SMURF2: variants seen among roughly 807,000 people sequenced by gnomAD.
The protein encoded by SMURF2 is E3 ubiquitin-protein ligase SMURF2.
A neutral mutation model predicts 109.6 loss-of-function variants in SMURF2; 48 were observed. The observed-to-expected ratio is 0.44, with a 90% CI of 0.35 to 0.56. The LOEUF is 0.56. Ranked by LOEUF, SMURF2 falls within the 20% of genes least tolerant of loss-of-function variation. The probability of loss-of-function intolerance (pLI) is 0.01; values close to 1 mark genes in which losing one functional copy is unlikely to be tolerated. For missense variants in SMURF2, 575 were observed against 909.0 expected, an observed-to-expected ratio of 0.63 and a Z score of 4.72; for synonymous variants, 288 against 317.1, an observed-to-expected ratio of 0.91 and a Z score of 0.97.
intron 1 of SMURF2, among the ~76,000 whole-genome samples, chr17:64,655,953 AC>A (rs1970699702): frequency 6.6e-6 from 1 of 152,192 alleles, no homozygotes; most frequent in Non-Finnish European, 1.5e-5. Context: ...AATAAAAAAA[AC>A]AGTATGGCAC....
intron 6 of SMURF2, among the ~76,000 whole-genome samples, chr17:64,585,341 T>C (rs1555686986): frequency 2.6e-5 from 4 of 152,170 alleles, no homozygotes; most frequent in African/African-American, 9.7e-5. Context: ...GTAACAATAA[T>C]AGTAGCAATA....
chr17:64,564,727 C>T (rs1476249633), intron 10 of SMURF2, among the ~76,000 whole-genome samples: 1 of 152,174 alleles, frequency 6.6e-6, no homozygotes, highest in Non-Finnish European at 1.5e-5. Flanking sequence ...AGGAAAGAGG[C>T]ATGGAACAGA....
chr17:64,578,380 T>A, intron 9 of SMURF2, 112 bp downstream of exon 9: 1 of 705,292 alleles, frequency 1.4e-6, no homozygotes, highest in Non-Finnish European at 2.4e-6. Flanking sequence ...ATCAGAAGAG[T>A]CAAACTTTTA....
intron 1 of SMURF2, among the ~76,000 whole-genome samples, chr17:64,661,619 C>A (rs1016321111): frequency 2.0e-5 from 3 of 151,926 alleles, no homozygotes; most frequent in Non-Finnish European, 2.9e-5. Flanking sequence ...CAAAACACCA[C>A]CCCCCGCCCC....
In SMURF2 at chr17:64,566,562, T is replaced by TTTG. The variant is rs1491097205; in HGVS notation, c.1017-3597_1017-3596insCAA. On this transcript the variant is annotated intron_variant, in intron 10 of 18. Coordinates refer to ENST00000262435, the MANE Select transcript of SMURF2 (RefSeq NM_022739.4). The stretch of plus-strand genomic sequence containing the variant: ...ATGTAGAAATGCTTAAGCTTTCTGG[T>TTTG]TTTTTTTTTTTTTTTTTTTTTTTTT... 1.3e-3 allele frequency among the ~76,000 whole-genome samples: 36 copies of TTTG among 28,298 alleles called. 1 individual carries two copies. Among genetic ancestry groups the TTTG allele is most frequent in the African/African-American group, 4.8e-3 (35 of 7,258 alleles). 18.6% of individuals were successfully genotyped at this position (28,298 alleles called of 152,430 possible). A position where few individuals can be genotyped will look rare whatever the true frequency, so the allele number is the denominator to read the frequency against.
chr17:64,591,313 T>G (rs1483287929), intron 4 of SMURF2, among the ~76,000 whole-genome samples, 164 bp from the exon 5 acceptor site: 1 of 152,234 alleles, frequency 6.6e-6, no homozygotes, highest in Non-Finnish European at 1.5e-5. Flanking sequence ...ATTGCCAACA[T>G]GCAGTCACTT....
At chr17:64,596,858 T>C (rs541448107) in intron 3 of SMURF2, among the ~76,000 whole-genome samples, 1 of 152,188 alleles carries the variant, frequency 6.6e-6, no homozygotes, top group East Asian at 1.9e-4. Flanking sequence ...ACTTCTCATT[T>C]CTATCTAGGA....
At chr17:64,576,335 A>G (rs1256628078) in intron 9 of SMURF2, among the ~76,000 whole-genome samples, 1 of 152,048 alleles carries the variant, frequency 6.6e-6, no homozygotes, top group Non-Finnish European at 1.5e-5. Flanking sequence ...AGGAAATGCA[A>G]TATCTGCAGC....
intron 17 of SMURF2, among the ~76,000 whole-genome samples, chr17:64,546,829 T>A (rs554639793): frequency 6.6e-6 from 1 of 152,336 alleles, no homozygotes; most frequent in Admixed American, 6.5e-5. Flanking sequence ...ACTTTATGCA[T>A]CTGGGAAGTG....
chr17:64,635,670 A>G (rs1970406993), intron 1 of SMURF2, among the ~76,000 whole-genome samples: 1 of 152,180 alleles, frequency 6.6e-6, no homozygotes, highest in African/African-American at 2.4e-5. Flanking sequence ...ATTCCCTTTT[A>G]TGGCTGAATA....
chr17:64,561,751 C>G, intron 11 of SMURF2, 148 bp from the exon 12 acceptor site: 1 of 587,442 alleles, frequency 1.7e-6, no homozygotes, highest in Non-Finnish European at 3.0e-6. Context: ...AATCCCAACA[C>G]TTTGGGAGGC....
Position 64,564,640 on chromosome 17 carries a change from A to G in SMURF2, c.1017-1674T>C, listed in dbSNP as rs565399086. On this transcript the variant is annotated intron_variant, in intron 10 of 18. Transcript: ENST00000262435. ...TACATACAGGAAAGAAGACTATGGG[A>G]GGACAGAAGACAAAGACTGGAGCAA... Among the ~76,000 whole-genome samples, 6 of 152,370 alleles carry G rather than the reference A, an allele frequency of 3.9e-5. No individual in the cohort carries two copies. The South Asian group carries it at 1.2e-3, about 32-fold the overall frequency.
Position 64,616,948 on chromosome 17 carries a change from G to A in SMURF2, c.53-10308C>T, listed in dbSNP as rs189695073. Among the ~76,000 whole-genome samples, 4 of 151,412 alleles carry A rather than the reference G, an allele frequency of 2.6e-5. No homozygotes were observed. The East Asian group carries it at 7.8e-4, about 29-fold the overall frequency. On this transcript the variant is annotated intron_variant, in intron 1 of 18. Coordinates refer to ENST00000262435, the MANE Select transcript of SMURF2 (RefSeq NM_022739.4). Reference sequence around the variant, plus strand: ...GAAAAAAAAATAGCCCGGCATGGTGGTGTGTGCCTGTAGTCCCAGCTACTC... The same window carrying A: ...GAAAAAAAAATAGCCCGGCATGGTGATGTGTGCCTGTAGTCCCAGCTACTC...
chr17:64,602,924 CA>C (rs1969917854), intron 2 of SMURF2, among the ~76,000 whole-genome samples: 1 of 150,916 alleles, frequency 6.6e-6, no homozygotes, highest in South Asian at 2.1e-4. Flanking sequence ...GACTTTGTCT[CA>C]AGGGAAAAAA....
chr17:64,547,557 G>GCCCCC lies in SMURF2; in HGVS notation c.2071+38_2071+42dup. On this transcript the variant is annotated intron_variant, in intron 17 of 18. Transcript: ENST00000262435. This position sits in a 1 kb window ranked among gnomAD's most constrained non-coding sequence, Gnocchi z 4.2. ...CCACAGACCCCACGCTGACAGCCCC[G>GCCCCC]CCCCCACCCGCTGCCCAGCTTGCCT... 3.2e-6 allele frequency: 4 copies of GCCCCC among 1,262,248 alleles called. No individual in the cohort carries two copies. The highest frequency in any genetic ancestry group is 1.9e-5 in the Admixed American group (1 of 52,928). The allele number at this position is 1,262,248 out of a possible 1,614,324, so 78.2% of individuals were successfully genotyped here.
chr17:64,576,490 CCCGT>C (rs1555686064), intron 9 of SMURF2, among the ~76,000 whole-genome samples: 1 of 151,702 alleles, frequency 6.6e-6, no homozygotes, highest in African/African-American at 2.4e-5. Flanking sequence ...ATGGCAAAAT[CCCGT>C]CTCTACTAAA....
Position 64,557,731 on chromosome 17 carries a change from C to G in SMURF2, c.1317-9G>C, listed in dbSNP as rs782317422. ...AGAGATACAACCATTCCCTAGAAAA[C>G]AAGATATGACCAAGGAATTTTTTTG... On this transcript the variant is annotated splice_polypyrimidine_tract_variant and intron_variant, in intron 12 of 18. Transcript: ENST00000262435. The G allele has an allele frequency of 1.3e-6, 2 of 1,536,128 alleles. No individual in the cohort carries two copies. Among genetic ancestry groups the G allele is most frequent in the Non-Finnish European group, 1.8e-6 (2 of 1,118,776 alleles).
At chr17:64,648,270 G>C (rs1458077269) in intron 1 of SMURF2, among the ~76,000 whole-genome samples, 1 of 151,878 alleles carries the variant, frequency 6.6e-6, no homozygotes. Flanking sequence ...TCTTCATTTT[G>C]TTAAGCAGCA....
intron 1 of SMURF2, among the ~76,000 whole-genome samples, chr17:64,647,239 A>G (rs1415326506): frequency 7.2e-5 from 11 of 152,130 alleles, no homozygotes; most frequent in South Asian, 2.1e-4. Context: ...AAAAAATACA[A>G]TTAGGGGTTA....
Sources: gnomAD v4.1 joint callset for allele counts (sites outside exome capture counted in the v4.1 genomes callset) on GRCh38, gnomAD v4.1.1 for gene constraint, Gnocchi (gnomAD v3.1) non-coding constraint, MANE v1.5 for transcripts, NCBI Gene and HGNC (gene_info 2026-07-23, HGNC 2026-07-21) for gene names.